Variants in TFAP2B observed in about 807,000 individuals in gnomAD.
The protein encoded by TFAP2B is transcription factor AP-2-beta.
TFAP2B carries 9 observed loss-of-function variants against 44.3 expected under a neutral mutation model. That is an observed-to-expected ratio of 0.20 (90% confidence interval 0.12 to 0.35). TFAP2B has a LOEUF of 0.35. Among genes scored for constraint, TFAP2B ranks in the 10% least tolerant of loss-of-function variants. The pLI is 1.00. For missense variants in TFAP2B, 509 were observed against 600.0 expected (o/e 0.85, Z 1.59); for synonymous variants, 270 against 263.8 (o/e 1.02, Z -0.23).
chr6:50,828,716 T>A (rs1770593712), intron 3 of TFAP2B, 37 bp downstream of exon 3: 4 of 1,607,592 alleles, frequency 2.5e-6, no homozygotes, highest in Non-Finnish European at 3.4e-6. Flanking sequence ...AGCAAAGTTC[T>A]CTCATGCATT....
chr6:50,819,850 T>C (rs999029942), intron 1 of TFAP2B, among the ~76,000 whole-genome samples: 1,313 of 112,928 alleles, frequency 0.012, 14 homozygotes, highest in African/African-American at 0.041. Context: ...GCGGGCGAGG[T>C]GGGAGAGGCG....
At chr6:50,832,195 G>C (rs1762515240) in intron 3 of TFAP2B, among the ~76,000 whole-genome samples, 1 of 152,052 alleles carries the variant, frequency 6.6e-6, no homozygotes, top group South Asian at 2.1e-4. Context: ...TTATCAACTA[G>C]AGACCCTGAG....
intron 5 of TFAP2B, 82 bp from the exon 6 acceptor site, chr6:50,840,064 GAAATACTAAC>G: frequency 6.4e-7 from 1 of 1,553,238 alleles, no homozygotes; most frequent in Admixed American, 1.7e-5. Flanking sequence ...GCCTTCTCTG[GAAATACTAAC>G]AAAGCTGACA....
chr6:50,841,665 T>C (rs2113958212), intron 6 of TFAP2B, among the ~76,000 whole-genome samples: 1 of 152,086 alleles, frequency 6.6e-6, no homozygotes, highest in African/African-American at 2.4e-5. Flanking sequence ...TGTATGGGGC[T>C]ATCCTCAAAT....
chr6:50,843,749 T>C lies in TFAP2B; in HGVS notation c.*357T>C, dbSNP rs531009075. 1.0e-5 allele frequency: 2 copies of C among 190,622 alleles called. No homozygotes were observed. Among genetic ancestry groups the C allele is most frequent in the African/African-American group, 2.4e-5 (1 of 42,248 alleles). The allele number at this position is 190,622 out of a possible 1,614,324, so 11.8% of individuals were successfully genotyped here. The stretch of plus-strand genomic sequence containing the variant: ...TAAACATGAGAAAAACGCTAACTTA[T>C]TGGAAGAAAATCGGAGAAACGTTGG... On this transcript the variant is annotated 3_prime_UTR_variant, in exon 7 of 7. Transcript: ENST00000393655.
In TFAP2B at chr6:50,823,605, T is replaced by A. The variant is rs1247419775; in HGVS notation, c.280T>A (p.Ser94Thr). Residue 94 changes from serine to threonine, a missense_variant, in exon 2 of 7, where the codon TCC (serine) becomes ACC (threonine). Physicochemically the swap from Ser to Thr is moderately conservative, Grantham distance 58. Coordinates refer to ENST00000393655, the MANE Select transcript of TFAP2B (RefSeq NM_003221.4). ...CTACTCCCACGTCAACGACCCCTAC[T>A]CCCTGAACCCACTGCACCAGCCCCA... ...DPYSHVNDPY[S>T]LNPLHQPQQH... is the part of the protein sequence containing the mutation. 1 of 1,612,350 alleles carries A rather than the reference T, an allele frequency of 6.2e-7. No individual in the cohort carries two copies. Among genetic ancestry groups the A allele is most frequent in the Non-Finnish European group, 8.5e-7 (1 of 1,179,634 alleles).
In TFAP2B at chr6:50,836,063, C is replaced by G. The variant is rs1295050836; in HGVS notation, c.604C>G (p.Pro202Ala). ...GGCAATTTTTTCTCTCTTTCTAGTT[C>G]CAGTTCCTCCCAAATCGGTGACTTC... The part of the protein sequence containing the change: ...LLDQSVIKKV[P>A]VPPKSVTSLM... The change falls in exon 4 of 7, where the codon CCA (proline) becomes GCA (alanine). Residue 202 changes from proline (P) to alanine (A), a missense_variant and splice_region_variant. By Grantham distance (27) the Pro-to-Ala change is conservative. Transcript: ENST00000393655. 6.2e-7 allele frequency: 1 copy of G among 1,613,850 alleles called. No homozygotes were observed. The highest frequency in any genetic ancestry group is 1.1e-5 in the South Asian group (1 of 91,052).
chr6:50,824,230 T>C lies in TFAP2B; in HGVS notation c.540+365T>C, dbSNP rs1770441919. ...TTTGTGGAAGCCAGCTTGGTACCCC[T>C]TCTTTACCAACACACACACCCCATA... On this transcript the variant is annotated intron_variant, in intron 2 of 6. Coordinates refer to ENST00000393655, the MANE Select transcript of TFAP2B (RefSeq NM_003221.4). Among the ~76,000 whole-genome samples the C allele has an allele frequency of 5.3e-5, 8 of 152,338 alleles. No homozygotes were observed. The South Asian group carries it at 1.7e-3, about 32-fold the overall frequency.
chr6:50,830,952 G>A (rs1770654064), intron 3 of TFAP2B, among the ~76,000 whole-genome samples: 1 of 152,036 alleles, frequency 6.6e-6, no homozygotes, highest in Admixed American at 6.6e-5. Context: ...GGGCTTTTAG[G>A]CAGATAAAAA....
rs532529956 is a variant in TFAP2B at position 50,846,870 on chromosome 6, A to G, written c.*3478A>G. ...GCTTTCCTCCATCCCCACTTAAAGAACCGAAGAGGCTTTTAAAGACCTGGC... is the reference window on the plus strand; with the variant it reads ...GCTTTCCTCCATCCCCACTTAAAGAGCCGAAGAGGCTTTTAAAGACCTGGC... On this transcript the variant is annotated 3_prime_UTR_variant, in exon 7 of 7. Transcript: ENST00000393655. 6.6e-6 allele frequency: 1 copy of G among 152,616 alleles called. No individual in the cohort carries two copies. Among genetic ancestry groups the G allele is most frequent in the South Asian group, 2.1e-4 (1 of 4,802 alleles). The allele number at this position is 152,616 out of a possible 1,614,324, so 9.5% of individuals were successfully genotyped here.
chr6:50,836,015 G>A, intron 3 of TFAP2B, 46 bp from the exon 4 acceptor site: 3 of 1,465,004 alleles, frequency 2.0e-6, no homozygotes, highest in Non-Finnish European at 2.9e-6. Context: ...CGGTCATCAG[G>A]ATCGAAACTT....
chr6:50,830,756 T>A (rs1312258484), intron 3 of TFAP2B, among the ~76,000 whole-genome samples: 5 of 152,196 alleles, frequency 3.3e-5, no homozygotes, highest in African/African-American at 9.6e-5. Context: ...TATAAGCCAC[T>A]TAAAGTTGTG....
chr6:50,831,396 C>G (rs1175740554), intron 3 of TFAP2B, among the ~76,000 whole-genome samples: 1 of 152,192 alleles, frequency 6.6e-6, no homozygotes, highest in Non-Finnish European at 1.5e-5. Flanking sequence ...TGGCCCCTCT[C>G]CTCTTAGCTG....
At position 50,823,713 on chromosome 6, in the gene TFAP2B, C is replaced by A. The variant is rs1040820081; in HGVS notation, c.388C>A (p.Pro130Thr). The change falls in exon 2 of 7, where the codon CCC (proline) becomes ACC (threonine). Residue 130 changes from proline to threonine, a missense_variant. Physicochemically the swap from Pro to Thr is conservative, Grantham distance 38. Around this residue, in one of 3 missense-constraint regions of TFAP2B, gnomAD observed 296 missense variants for 308.2 expected, o/e 0.96. Transcript: ENST00000393655. ...CCTGCCCCAGCCTCGGGCCGCCTTG[C>A]CCCAGCTCTCGGGCCTTGACCCCCG... ...SLLPQPRAAL[P>T]QLSGLDPRRD... 2 of 1,613,084 alleles carry A rather than the reference C, an allele frequency of 1.2e-6. No homozygotes were observed. Among genetic ancestry groups the A allele is most frequent in the Non-Finnish European group, 1.7e-6 (2 of 1,179,582 alleles).
At chr6:50,828,758 G>A (rs759854432) in intron 3 of TFAP2B, 79 bp downstream of exon 3, 56 of 1,482,030 alleles carry the variant, frequency 3.8e-5, no homozygotes, top group Middle Eastern at 1.7e-4. Context: ...CACTTTGGGG[G>A]AATTCATTAT....
chr6:50,836,894 T>C (rs1762634403), intron 4 of TFAP2B, among the ~76,000 whole-genome samples: 2 of 152,346 alleles, frequency 1.3e-5, no homozygotes, highest in African/African-American at 2.4e-5. Flanking sequence ...GAAGTATTTA[T>C]AGGTATTCCT....
intron 2 of TFAP2B, among the ~76,000 whole-genome samples, chr6:50,825,757 G>C (rs9473917): frequency 1.1e-3 from 171 of 152,226 alleles, no homozygotes; most frequent in Admixed American, 7.8e-3. Context: ...CAGCACACCG[G>C]AGCCACTTGC....
chr6:50,818,833 T>C, upstream of TFAP2B: 2 of 1,528,508 alleles, frequency 1.3e-6, no homozygotes, highest in South Asian at 1.1e-5. Context: ...TTTCCAATTA[T>C]AGATGGATCA....
intron 4 of TFAP2B, 80 bp downstream of exon 4, chr6:50,836,360 G>T: frequency 7.8e-7 from 1 of 1,274,186 alleles, no homozygotes; most frequent in South Asian, 1.3e-5. Context: ...GGACAGTGAG[G>T]AGAAGGTTCC....
Sources: gnomAD v4.1 joint callset for allele counts (sites outside exome capture counted in the v4.1 genomes callset) on GRCh38, gnomAD v4.1.1 for gene constraint, gnomAD v4.1.1 regional missense constraint, MANE v1.5 for transcripts, NCBI Gene and HGNC (gene_info 2026-07-23, HGNC 2026-07-21) for gene names.